SCO1: variants seen among roughly 807,000 people sequenced by gnomAD.
SCO1 encodes synthesis of cytochrome C oxidase 1, also known as cytochrome c oxidase assembly factor SCO1.
SCO1 carries 23 observed loss-of-function variants against 34.0 expected under a neutral mutation model. The observed-to-expected ratio is 0.68, with a 90% CI of 0.49 to 0.96. The LOEUF is 0.96. Among genes scored for constraint, SCO1 ranks in the 40% least tolerant of loss-of-function variants. The pLI is 0.00. For missense variants in SCO1, 404 were observed against 381.6 expected (o/e 1.06, Z -0.49); for synonymous variants, 161 against 145.5 (o/e 1.11, Z -0.77).
At chr17:10,690,698 A>G (rs1174725365) in intron 4 of SCO1, among the ~76,000 whole-genome samples, 1 of 152,232 alleles carries the variant, frequency 6.6e-6, no homozygotes, top group African/African-American at 2.4e-5. Flanking sequence ...ATATATCCAA[A>G]GGAGATGAAA....
chr17:10,687,265 C>T (rs1193108922), intron 4 of SCO1, among the ~76,000 whole-genome samples: 1 of 152,158 alleles, frequency 6.6e-6, no homozygotes, highest in Non-Finnish European at 1.5e-5. Flanking sequence ...ATACCTGTGT[C>T]TTATTTTCCT....
At chr17:10,687,043 CA>C (rs1166831308) in intron 4 of SCO1, among the ~76,000 whole-genome samples, 1 of 152,054 alleles carries the variant, frequency 6.6e-6, no homozygotes, top group Non-Finnish European at 1.5e-5. Context: ...ATATATAAGT[CA>C]AATCTTTTTA....
rs2074582029 is a variant in SCO1 at position 10,676,540 on chromosome 17, A to C, written c.*4579T>G. On this transcript the variant is annotated 3_prime_UTR_variant, in exon 6 of 6. Coordinates refer to ENST00000255390, the MANE Select transcript of SCO1 (RefSeq NM_004589.4). Reference sequence around the variant, plus strand: ...TGATGGGTACATCAATTAGTTAACTATTCTACTTTTTGAATAAGTTTCCAA... The same window carrying C: ...TGATGGGTACATCAATTAGTTAACTCTTCTACTTTTTGAATAAGTTTCCAA... The C allele has an allele frequency of 2.0e-5, 3 of 152,180 alleles. No individual in the cohort carries two copies. The allele number at this position is 152,180 out of a possible 1,614,324, so 9.4% of individuals were successfully genotyped here.
chr17:10,681,163 C>T lies in SCO1; in HGVS notation c.862G>A (p.Ala288Thr). Reference protein sequence around the residue: ...GQNKRKGEIAASIATHMRPYR... With the variant: ...GQNKRKGEIATSIATHMRPYR... Reference sequence around the variant, plus strand: ...GGCCTCATGTGTGTGGCAATTGAAGCAGCTATTTCTCCCTTCCTCTTGTTC... The same window carrying T: ...GGCCTCATGTGTGTGGCAATTGAAGTAGCTATTTCTCCCTTCCTCTTGTTC... The change falls in exon 6 of 6, where the codon GCT (alanine) becomes ACT (threonine). Residue 288 changes from alanine to threonine, a missense_variant. Ala to Thr is a moderately conservative substitution (Grantham distance 58). Coordinates refer to ENST00000255390, the MANE Select transcript of SCO1 (RefSeq NM_004589.4). 3 of 1,614,152 alleles carry T rather than the reference C, an allele frequency of 1.9e-6. No homozygotes were observed. The highest frequency in any genetic ancestry group is 1.1e-5 in the South Asian group (1 of 91,084).
intron 3 of SCO1, among the ~76,000 whole-genome samples, 199 bp downstream of exon 3, chr17:10,692,565 A>G (rs2074696358): frequency 6.6e-6 from 1 of 152,228 alleles, no homozygotes; most frequent in African/African-American, 2.4e-5. Context: ...GTGATCTAAC[A>G]TTTAACATCA....
chr17:10,684,692 T>A (rs140008843), intron 5 of SCO1, among the ~76,000 whole-genome samples: 1 of 152,242 alleles, frequency 6.6e-6, no homozygotes, highest in African/African-American at 2.4e-5. Context: ...CAATTTAATA[T>A]AACTCATTTA....
chr17:10,687,762 T>C (rs1325687742), intron 4 of SCO1, among the ~76,000 whole-genome samples: 5 of 152,242 alleles, frequency 3.3e-5, no homozygotes, highest in Admixed American at 3.3e-4. Flanking sequence ...ATGCAACTAG[T>C]AATGACTACA....
At chr17:10,697,096 G>T in intron 1 of SCO1, 139 bp downstream of exon 1, 1 of 796,990 alleles carries the variant, frequency 1.3e-6, no homozygotes, top group Non-Finnish European at 1.9e-6. Context: ...GAAATTCCAT[G>T]ACCCAGGTAA....
At chr17:10,686,867 T>A (rs747648841) in intron 4 of SCO1, 25 bp from the exon 5 acceptor site, 7 of 1,488,654 alleles carry the variant, frequency 4.7e-6, no homozygotes, top group Non-Finnish European at 5.6e-6. Flanking sequence ...AGAGAGACAG[T>A]GAAAAATGAG....
rs570863446 is a variant in SCO1 at position 10,679,386 on chromosome 17, T to A, written c.*1733A>T. 1 of 152,356 alleles carries A rather than the reference T, an allele frequency of 6.6e-6. No homozygotes were observed. The highest frequency in any genetic ancestry group is 1.5e-5 in the Non-Finnish European group (1 of 68,028). The allele number at this position is 152,356 out of a possible 1,614,324, so 9.4% of individuals were successfully genotyped here. The stretch of plus-strand genomic sequence containing the variant: ...GTACTGAGATTAGGGCTTCAATGTA[T>A]AAATTTTGGGGGACATTATTCAACC... On this transcript the variant is annotated 3_prime_UTR_variant, in exon 6 of 6. Transcript: ENST00000255390.
rs1050835322 is a variant in SCO1, at chr17:10,677,477, T to C, written c.*3642A>G. 6.6e-5 allele frequency: 10 copies of C among 152,242 alleles called. No homozygotes were observed. Among genetic ancestry groups the C allele is most frequent in the African/African-American group, 2.4e-4 (10 of 41,466 alleles). 9.4% of individuals were successfully genotyped at this position (152,242 alleles called of 1,614,324 possible). On this transcript the variant is annotated 3_prime_UTR_variant, in exon 6 of 6. Coordinates refer to ENST00000255390, the MANE Select transcript of SCO1 (RefSeq NM_004589.4). ...AAACCAAAAAAGGTTTGGGAGATTA[T>C]GGATGATTTGAAAATATTAATGTCA...
rs869243005 is a variant in SCO1, at chr17:10,696,071, T to TAAAAAAAAAA, written c.274-250_274-241dup. ...CCTAAGTCAGTTCTCTTCATGTAAA[T>TAAAAAAAAAA]AAAAAAAAAAAAAAAAAAAAAAAAA... is the stretch of plus-strand genomic sequence containing the variant. On this transcript the variant is annotated intron_variant, in intron 1 of 5. Transcript: ENST00000255390. Among the ~76,000 whole-genome samples, 18 of 73,012 alleles carry TAAAAAAAAAA rather than the reference T, an allele frequency of 2.5e-4. 3 individuals are homozygous for TAAAAAAAAAA. Among genetic ancestry groups the TAAAAAAAAAA allele is most frequent in the Admixed American group, 5.4e-4 (3 of 5,524 alleles). 47.9% of individuals were successfully genotyped at this position (73,012 alleles called of 152,430 possible).
rs1567572969 is a variant in SCO1, at chr17:10,681,186, T to C, written c.839A>G (p.Asn280Ser). ...AGCAGCTATTTCTCCCTTCCTCTTG[T>C]TCTGGCCAAAATAATCTAGAAACTC... ...DGEFLDYFGQNKRKGEIAASI... is the reference protein window; with the variant it reads ...DGEFLDYFGQSKRKGEIAASI... The change falls in exon 6 of 6, where the codon AAC becomes AGC. Residue 280 changes from asparagine (N) to serine (S), a missense_variant. Physicochemically the swap from Asn to Ser is conservative, Grantham distance 46. Coordinates refer to ENST00000255390, the MANE Select transcript of SCO1 (RefSeq NM_004589.4). 1.9e-6 allele frequency: 3 copies of C among 1,614,202 alleles called. No individual in the cohort carries two copies. The highest frequency in any genetic ancestry group is 2.5e-6 in the Non-Finnish European group (3 of 1,180,028).
intron 4 of SCO1, 36 bp downstream of exon 4, chr17:10,691,836 G>T: frequency 7.2e-7 from 1 of 1,388,464 alleles, no homozygotes; most frequent in Non-Finnish European, 1.0e-6. Context: ...AAAACTTTAA[G>T]GCTAAATAAA....
At position 10,697,529 on chromosome 17, in the gene SCO1, C is replaced by T. The variant is rs1200726267; in HGVS notation, c.-22G>A. On this transcript the variant is annotated 5_prime_UTR_variant, in exon 1 of 6. Coordinates refer to ENST00000255390, the MANE Select transcript of SCO1 (RefSeq NM_004589.4). Reference sequence around the variant, plus strand: ...CCATGAGCCTCGGAGACCGGGTCTCCTTTGACCCTCCCCGCGATTTCCGGT... The same window carrying T: ...CCATGAGCCTCGGAGACCGGGTCTCTTTTGACCCTCCCCGCGATTTCCGGT... The T allele has an allele frequency of 6.2e-6, 10 of 1,612,510 alleles. No individual in the cohort carries two copies. In the African/African-American group the frequency reaches 9.3e-5, roughly 15 times the overall value.
chr17:10,684,339 T>C (rs918947869), intron 5 of SCO1, among the ~76,000 whole-genome samples: 1 of 152,330 alleles, frequency 6.6e-6, no homozygotes, highest in South Asian at 2.1e-4. Context: ...CAGGCAGACA[T>C]GAATATGATA....
At chr17:10,693,754 G>A (rs970851607) in intron 2 of SCO1, among the ~76,000 whole-genome samples, 8 of 152,188 alleles carry the variant, frequency 5.3e-5, no homozygotes, top group African/African-American at 1.9e-4. Flanking sequence ...ACCTCTTGTT[G>A]TGGCAGAAGG....
rs1362849275 is a variant in SCO1 at position 10,679,313 on chromosome 17, T to C, written c.*1806A>G. On this transcript the variant is annotated 3_prime_UTR_variant, in exon 6 of 6. Transcript: ENST00000255390. ...CCAACCTAGCAGCCTCATTTTAATTTAACTATCTCTCTAAAGACCCTATCT... is the reference window on the plus strand; with the variant it reads ...CCAACCTAGCAGCCTCATTTTAATTCAACTATCTCTCTAAAGACCCTATCT... 6.6e-6 allele frequency: 1 copy of C among 152,224 alleles called. No homozygotes were observed. The highest frequency in any genetic ancestry group is 1.5e-5 in the Non-Finnish European group (1 of 68,044). The allele number at this position is 152,224 out of a possible 1,614,324, so 9.4% of individuals were successfully genotyped here. A position where few individuals can be genotyped will look rare whatever the true frequency, so the allele number is the denominator to read the frequency against.
chr17:10,681,021 G>A lies in SCO1; in HGVS notation c.*98C>T, dbSNP rs1026194000. 1.0e-5 allele frequency: 14 copies of A among 1,381,518 alleles called. No homozygotes were observed. In the African/African-American group the frequency reaches 1.6e-4, roughly 15 times the overall value. The allele number at this position is 1,381,518 out of a possible 1,614,324, so 85.6% of individuals were successfully genotyped here. On this transcript the variant is annotated 3_prime_UTR_variant, in exon 6 of 6. Transcript: ENST00000255390. ...CTCATGGTATGAAGGCCATTCTGTA[G>A]AGTGCACGTATATATGTTTATATTT...
Sources: allele counts gnomAD v4.1 joint callset (sites outside exome capture counted in the v4.1 genomes callset), GRCh38; gene constraint gnomAD v4.1.1; transcripts MANE v1.5; gene names NCBI Gene and HGNC (gene_info 2026-07-23, HGNC 2026-07-21).